The following RPA2 variants were observed in gnomAD, a reference collection of about 807,000 sequenced individuals.
RPA2 encodes the protein replication protein A2.
Under a neutral mutation model 33.4 loss-of-function variants are expected in RPA2, and 22 were observed. That is an observed-to-expected ratio of 0.66 (90% CI 0.47 to 0.94). The LOEUF (loss-of-function observed/expected upper bound fraction) is 0.94. Ranked by LOEUF, RPA2 falls within the 40% of genes least tolerant of loss-of-function variation. The pLI, the probability that RPA2 is intolerant of heterozygous loss-of-function variation, is 0.00. For missense variants in RPA2, 279 were observed against 329.9 expected, an observed-to-expected ratio of 0.85 and a Z score of 1.19; for synonymous variants, 109 against 114.9, an observed-to-expected ratio of 0.95 and a Z score of 0.33.
chr1:27,893,922 T>A, intron 8 of RPA2, 90 bp downstream of exon 8: 1 of 1,181,664 alleles, frequency 8.5e-7, no homozygotes. Flanking sequence ...AAGTTTTACT[T>A]TTTAAACCCA....
chr1:27,906,875 AC>A, intron 4 of RPA2, 52 bp downstream of exon 4: 1 of 1,262,826 alleles, frequency 7.9e-7, no homozygotes, highest in South Asian at 1.3e-5. Flanking sequence ...AAAAAGTTCA[AC>A]ATCTCCACAG....
chr1:27,899,711 C>T (rs530234057), intron 4 of RPA2, among the ~76,000 whole-genome samples: 10 of 151,840 alleles, frequency 6.6e-5, no homozygotes, highest in African/African-American at 1.9e-4. Flanking sequence ...GACAGAGTCT[C>T]GCTCTGTCGC....
chr1:27,901,638 G>A (rs749250999), intron 4 of RPA2, among the ~76,000 whole-genome samples: 1 of 152,064 alleles, frequency 6.6e-6, no homozygotes, highest in African/African-American at 2.4e-5. Flanking sequence ...TGGGATTATA[G>A]ACGTGAGCCA....
upstream of RPA2, chr1:27,914,603 T>C (rs2090147062): frequency 6.2e-7 from 1 of 1,613,854 alleles, no homozygotes. Flanking sequence ...CCCGGGGTGC[T>C]CGCTTCAGCC....
intron 2 of RPA2, among the ~76,000 whole-genome samples, chr1:27,913,485 C>A (rs1255071357): frequency 6.6e-6 from 1 of 150,530 alleles, no homozygotes; most frequent in Admixed American, 6.6e-5. Flanking sequence ...CTACTCGGGA[C>A]GCTGAAGCAG....
Position 27,914,108 on chromosome 1 carries a change from C to G in RPA2, c.72G>C (p.Pro24=), listed in dbSNP as rs1557477556. 1.9e-6 allele frequency: 3 copies of G among 1,610,756 alleles called. No homozygotes were observed. The highest frequency in any genetic ancestry group is 1.7e-5 in the Admixed American group (1 of 59,278). Residue 24 remains proline (P), a synonymous_variant, in exon 2 of 9, where the codon CCG becomes CCC. Coordinates refer to ENST00000373912, the MANE Select transcript of RPA2 (RefSeq NM_002946.5). ...AAGGTGCGGGCGATCCAAAGCCCCC[C>G]GGGGACTGCGTGTAGCCGCCGGCTC... ...YGGAGGYTQS[P]GGFGSPAPSQ...
chr1:27,892,466 G>A (rs2089836962), intron 8 of RPA2, among the ~76,000 whole-genome samples: 1 of 152,204 alleles, frequency 6.6e-6, no homozygotes, highest in Admixed American at 6.5e-5. Context: ...TATTAGGGCT[G>A]TCTTGGATCC....
chr1:27,899,495 C>CTT (rs952373777), intron 4 of RPA2, among the ~76,000 whole-genome samples: 1 of 114,586 alleles, frequency 8.7e-6, no homozygotes, highest in African/African-American at 3.3e-5. Context: ...GAGCAGGACT[C>CTT]TATCTCAAAA....
chr1:27,897,005 C>G lies in RPA2; in HGVS notation c.525G>C (p.Gln175His), dbSNP rs1486026460. The G allele has an allele frequency of 6.2e-7, 1 of 1,602,490 alleles. No homozygotes were observed. Among genetic ancestry groups the G allele is most frequent in the Non-Finnish European group, 8.5e-7 (1 of 1,174,454 alleles). The change falls in exon 6 of 9, where the codon CAG becomes CAC. Residue 175 changes from glutamine to histidine, a missense_variant and splice_region_variant. By Grantham distance (24) the Gln-to-His change is conservative (BLOSUM62 0). Transcript: ENST00000373912. The part of the protein sequence containing the change: ...AHMVLSKANS[Q>H]PSAGRAPISN... ...AAGCTAGGAAAGCGAGACTACTCACCTGGCTGTTGGCTTTGCTTAGTACCA... is the reference window on the plus strand; with the variant it reads ...AAGCTAGGAAAGCGAGACTACTCACGTGGCTGTTGGCTTTGCTTAGTACCA...
chr1:27,912,762 C>T (rs1224001753), intron 2 of RPA2, among the ~76,000 whole-genome samples: 1 of 152,074 alleles, frequency 6.6e-6, no homozygotes, highest in Admixed American at 6.6e-5. Context: ...TTCTGGAGCC[C>T]CCATGTTCTG....
At chr1:27,894,481 T>A in intron 6 of RPA2, 84 bp from the exon 7 acceptor site, 2 of 1,139,050 alleles carry the variant, frequency 1.8e-6, no homozygotes, top group Non-Finnish European at 2.5e-6. Context: ...GTTAAGCAGC[T>A]TACAAAAAAC....
In RPA2 at chr1:27,892,202, A is replaced by G; in HGVS notation, c.774T>C (p.Thr258=). The part of the protein sequence containing the change: ...FLSNEGHIYS[T]VDDDHFKSTD... ...TGGATTTAAAATGGTCATCATCCAC[A>G]GTAGAATAGATGTGCCCCTCATTGC... Residue 258 remains threonine (T), a synonymous_variant, in exon 9 of 9, where the codon ACT becomes ACC. Transcript: ENST00000373912. The G allele has an allele frequency of 6.2e-6, 10 of 1,613,810 alleles. No individual in the cohort carries two copies. The highest frequency in any genetic ancestry group is 1.3e-5 in the African/African-American group (1 of 75,058).
In RPA2 at chr1:27,897,638, A is replaced by G; in HGVS notation, c.403T>C (p.Phe135Leu). ...YVKVAGHLRS[F>L]QNKKSLVAFK... is the part of the protein sequence containing the mutation. ...TTATTTTATTCTGACTTTACCTGAAAAGATCTCAGGTGGCCTGCCACTTTC... is the reference window on the plus strand; with the variant it reads ...TTATTTTATTCTGACTTTACCTGAAGAGATCTCAGGTGGCCTGCCACTTTC... Residue 135 changes from phenylalanine to leucine, a missense_variant, in exon 5 of 9, where the codon TTT becomes CTT. By Grantham distance (22) the Phe-to-Leu change is conservative. Around this residue, in one of 2 missense-constraint regions of RPA2, gnomAD observed 274 missense variants for 310.3 expected, o/e 0.88. Coordinates refer to ENST00000373912, the MANE Select transcript of RPA2 (RefSeq NM_002946.5). 6.2e-7 allele frequency: 1 copy of G among 1,600,474 alleles called. No homozygotes were observed. Among genetic ancestry groups the G allele is most frequent in the Non-Finnish European group, 8.5e-7 (1 of 1,173,698 alleles).
At chr1:27,893,975 A>G in intron 8 of RPA2, 37 bp downstream of exon 8, 1 of 1,555,158 alleles carries the variant, frequency 6.4e-7, no homozygotes, top group African/African-American at 1.4e-5. Flanking sequence ...AATAGGTACA[A>G]TGCCAGAGCC....
intron 8 of RPA2, among the ~76,000 whole-genome samples, chr1:27,893,096 C>T (rs191940789): frequency 3.7e-4 from 56 of 152,258 alleles, no homozygotes; most frequent in African/African-American, 1.1e-3. Flanking sequence ...GTACACCTGA[C>T]GACCAGGAGC....
chr1:27,901,719 T>A (rs1571613173), intron 4 of RPA2, among the ~76,000 whole-genome samples: 1 of 152,108 alleles, frequency 6.6e-6, no homozygotes, highest in African/African-American at 2.4e-5. Context: ...TTGGGACTAG[T>A]AGAAGCTTCC....
rs941429219 is a variant in RPA2, at chr1:27,908,232, T to C, written c.118-950A>G. 5.3e-5 allele frequency among the ~76,000 whole-genome samples: 8 copies of C among 152,188 alleles called. No homozygotes were observed. The East Asian group carries it at 1.2e-3, about 22-fold the overall frequency. ...TCAAACTCATGGGCTCAAGCAATCT[T>C]CCTGCTATAGTCTCCTGAGTAGCTG... is the stretch of plus-strand genomic sequence containing the variant. On this transcript the variant is annotated intron_variant, in intron 2 of 8. Transcript: ENST00000373912.
intron 4 of RPA2, among the ~76,000 whole-genome samples, chr1:27,903,232 C>T (rs764674382): frequency 5.3e-5 from 8 of 151,834 alleles, no homozygotes; most frequent in Non-Finnish European, 8.8e-5. Context: ...CCTGGCCTTA[C>T]GATTATTTTA....
intron 2 of RPA2, among the ~76,000 whole-genome samples, chr1:27,907,711 A>G (rs1249843195): frequency 6.6e-6 from 1 of 152,212 alleles, no homozygotes; most frequent in Non-Finnish European, 1.5e-5. Context: ...TAATGGAGAC[A>G]GGACTTTGGA....
Sources: allele counts gnomAD v4.1 joint callset (sites outside exome capture counted in the v4.1 genomes callset), GRCh38; gene constraint gnomAD v4.1.1; regional missense constraint gnomAD v4.1.1; transcripts MANE v1.5; gene names NCBI Gene and HGNC (gene_info 2026-07-23, HGNC 2026-07-21).